Variants in GRIN2A observed in about 807,000 individuals in gnomAD.
GRIN2A encodes glutamate receptor ionotropic, NMDA 2A.
In GRIN2A, 22 loss-of-function variants were observed where a neutral mutation model predicts 113.4. That is an observed-to-expected ratio of 0.19 (90% confidence interval 0.14 to 0.28). GRIN2A has a LOEUF of 0.28. Ranked by LOEUF, GRIN2A falls within the 10% of genes least tolerant of loss-of-function variation. GRIN2A has a pLI of 1.00. For missense variants in GRIN2A, 1,502 were observed against 1,887.0 expected, an observed-to-expected ratio of 0.80 and a Z score of 3.78; for synonymous variants, 827 against 738.4, an observed-to-expected ratio of 1.12 and a Z score of -1.94.
At chr16:9,937,008 A>C (rs893716420) in intron 3 of GRIN2A, among the ~76,000 whole-genome samples, 1 of 152,202 alleles carries the variant, frequency 6.6e-6, no homozygotes, top group African/African-American at 2.4e-5. Context: ...CCTAGAAAAA[A>C]CACTTGCACA....
chr16:9,903,706 A>G (rs1029111389), intron 3 of GRIN2A, among the ~76,000 whole-genome samples: 4 of 151,984 alleles, frequency 2.6e-5, no homozygotes, highest in African/African-American at 9.7e-5. Context: ...TCCTCTTCCA[A>G]CTCTCAACCC....
Position 10,009,632 on chromosome 16 carries a change from C to T in GRIN2A, c.415-71081G>A, listed in dbSNP as rs192319099. Among the ~76,000 whole-genome samples, 764 of 152,232 alleles carry T rather than the reference C, an allele frequency of 5.0e-3. 11 individuals are homozygous for T. The highest frequency in any genetic ancestry group is 0.018 in the African/African-American group (731 of 41,544). ...CCTGAGCTCACCTGGGCACCCACCCCACATGTTCCTCAAGGGTCTTGCTTG... is the reference window on the plus strand; with the variant it reads ...CCTGAGCTCACCTGGGCACCCACCCTACATGTTCCTCAAGGGTCTTGCTTG... On this transcript the variant is annotated intron_variant, in intron 2 of 12. Coordinates refer to ENST00000330684, the MANE Select transcript of GRIN2A (RefSeq NM_001134407.3).
chr16:10,041,186 TC>T (rs775766079), intron 2 of GRIN2A, among the ~76,000 whole-genome samples: 1 of 152,190 alleles, frequency 6.6e-6, no homozygotes, highest in Non-Finnish European at 1.5e-5. Flanking sequence ...CATGAGACCT[TC>T]CCATTTTCGT....
intron 2 of GRIN2A, among the ~76,000 whole-genome samples, chr16:10,068,573 C>T (rs890437156): frequency 2.6e-5 from 4 of 152,188 alleles, no homozygotes; most frequent in African/African-American, 7.2e-5. Flanking sequence ...CACAAGGGAT[C>T]CACCTCCATG....
intron 2 of GRIN2A, among the ~76,000 whole-genome samples, chr16:10,056,686 C>G (rs1298827768): frequency 6.6e-6 from 1 of 152,030 alleles, no homozygotes; most frequent in Non-Finnish European, 1.5e-5. Flanking sequence ...AGGAGAAGGC[C>G]ACATAAATAT....
intron 4 of GRIN2A, among the ~76,000 whole-genome samples, chr16:9,856,887 A>G (rs1342102248): frequency 1.4e-5 from 2 of 147,318 alleles, no homozygotes; most frequent in African/African-American, 2.5e-5. Flanking sequence ...TCTGCTGAAC[A>G]AAAAAAAAAG....
At chr16:10,142,666 T>C (rs1022960957) in intron 2 of GRIN2A, among the ~76,000 whole-genome samples, 1 of 152,162 alleles carries the variant, frequency 6.6e-6, no homozygotes, top group Non-Finnish European at 1.5e-5. Flanking sequence ...GCCACTGTAC[T>C]CTAGTATGGG....
intron 2 of GRIN2A, among the ~76,000 whole-genome samples, chr16:9,994,014 T>C (rs2046176128): frequency 6.6e-6 from 1 of 152,214 alleles, no homozygotes; most frequent in Non-Finnish European, 1.5e-5. Flanking sequence ...AAGTTTATTT[T>C]TGAACATTCT....
chr16:9,784,729 C>G (rs1276258509), intron 11 of GRIN2A, among the ~76,000 whole-genome samples: 1 of 152,032 alleles, frequency 6.6e-6, no homozygotes, highest in Non-Finnish European at 1.5e-5. Flanking sequence ...ACAATGAACT[C>G]AAACAAATTT....
chr16:10,026,621 T>G (rs1163795488), intron 2 of GRIN2A, among the ~76,000 whole-genome samples: 1 of 152,264 alleles, frequency 6.6e-6, no homozygotes, highest in East Asian at 1.9e-4. Flanking sequence ...TCTGCTCCAT[T>G]CACTGCACAG....
At chr16:9,983,685 C>T (rs989458620) in intron 2 of GRIN2A, among the ~76,000 whole-genome samples, 5 of 152,164 alleles carry the variant, frequency 3.3e-5, no homozygotes, top group African/African-American at 7.2e-5. Context: ...GTGATCCACC[C>T]GCCTTGGCCT....
intron 2 of GRIN2A, among the ~76,000 whole-genome samples, chr16:10,151,086 T>C (rs767794822): frequency 2.0e-5 from 3 of 152,244 alleles, no homozygotes; most frequent in African/African-American, 4.8e-5. Context: ...TTTGGCTGCA[T>C]AGCAACCACT....
At chr16:9,965,079 C>T (rs2045525375) in intron 2 of GRIN2A, among the ~76,000 whole-genome samples, 1 of 152,194 alleles carries the variant, frequency 6.6e-6, no homozygotes, top group African/African-American at 2.4e-5. Context: ...ATACTCAGGT[C>T]TCAGGGAACT....
At chr16:10,088,387 G>A (rs903764382) in intron 2 of GRIN2A, among the ~76,000 whole-genome samples, 1 of 152,180 alleles carries the variant, frequency 6.6e-6, no homozygotes, top group Non-Finnish European at 1.5e-5. Flanking sequence ...CAGGGAGGCA[G>A]GGATTGGCAC....
chr16:10,102,937 G>C (rs1392041918), intron 2 of GRIN2A, among the ~76,000 whole-genome samples: 1 of 152,194 alleles, frequency 6.6e-6, no homozygotes, highest in African/African-American at 2.4e-5. Flanking sequence ...CACAGACATG[G>C]AGTGGATGCC....
chr16:10,133,787 C>A (rs1413088350), intron 2 of GRIN2A, among the ~76,000 whole-genome samples: 1 of 151,992 alleles, frequency 6.6e-6, no homozygotes, highest in Non-Finnish European at 1.5e-5. Context: ...TCCCCAGATG[C>A]AATTGTGGAA....
At chr16:9,976,735 C>A (rs757898699) in intron 2 of GRIN2A, among the ~76,000 whole-genome samples, 2 of 152,160 alleles carry the variant, frequency 1.3e-5, no homozygotes, top group Non-Finnish European at 2.9e-5. Context: ...CAGCTCCCAC[C>A]TTTAGGAGCC....
chr16:9,963,913 G>A (rs1006774943), intron 2 of GRIN2A, among the ~76,000 whole-genome samples: 3 of 152,202 alleles, frequency 2.0e-5, no homozygotes, highest in Non-Finnish European at 4.4e-5. Context: ...TGGTGGAGGA[G>A]AGGAAGTGCT....
In GRIN2A at chr16:9,762,232, T is replaced by C. The variant is rs1483241528; in HGVS notation, c.*917A>G. ...CTGGGAGGGAAGGGGTAACAGATAC[T>C]ATACAACCCTGAGTCATCACCAGAA... On this transcript the variant is annotated 3_prime_UTR_variant, in exon 13 of 13. Coordinates refer to ENST00000330684, the MANE Select transcript of GRIN2A (RefSeq NM_001134407.3). 2 of 223,246 alleles carry C rather than the reference T, an allele frequency of 9.0e-6. No individual in the cohort carries two copies. The highest frequency in any genetic ancestry group is 1.8e-5 in the Non-Finnish European group (2 of 111,588). 13.8% of individuals were successfully genotyped at this position (223,246 alleles called of 1,614,324 possible).
Sources: allele counts gnomAD v4.1 joint callset (sites outside exome capture counted in the v4.1 genomes callset), GRCh38; gene constraint gnomAD v4.1.1; transcripts MANE v1.5; gene names NCBI Gene and HGNC (gene_info 2026-07-23, HGNC 2026-07-21).